TAF1B: variants seen among roughly 807,000 people sequenced by gnomAD.
The protein encoded by TAF1B is TATA box-binding protein-associated factor RNA polymerase I subunit B.
TAF1B carries 61 observed loss-of-function variants against 83.9 expected under a neutral mutation model. That is an observed-to-expected ratio of 0.73 (90% CI 0.59 to 0.90). The LOEUF (loss-of-function observed/expected upper bound fraction) is 0.90, where lower values mean the gene tolerates loss of function less well. Among genes scored for constraint, TAF1B ranks in the 40% least tolerant of loss-of-function variants. The pLI is 0.00. For synonymous variants in TAF1B, 221 were observed against 224.6 expected, an observed-to-expected ratio of 0.98 and a Z score of 0.14; for missense variants, 625 against 677.0, an observed-to-expected ratio of 0.92 and a Z score of 0.85.
In TAF1B at chr2:9,850,292, G is replaced by A. The variant is rs1199228906; in HGVS notation, c.205+832G>A. Among the ~76,000 whole-genome samples, 3 of 152,214 alleles carry A rather than the reference G, an allele frequency of 2.0e-5. 1 individual carries two copies. Among genetic ancestry groups the A allele is most frequent in the Admixed American group, 2.0e-4 (3 of 15,284 alleles). ...GAACTTCAGGTGCTTTATATTAGGTGTTAAGTATCTTATAGTCAACCTCAT... is the reference window on the plus strand; with the variant it reads ...GAACTTCAGGTGCTTTATATTAGGTATTAAGTATCTTATAGTCAACCTCAT... On this transcript the variant is annotated intron_variant, in intron 3 of 14. Coordinates refer to ENST00000263663, the MANE Select transcript of TAF1B (RefSeq NM_005680.3).
At chr2:9,849,597 C>A in intron 3 of TAF1B, 137 bp downstream of exon 3, 1 of 542,448 alleles carries the variant, frequency 1.8e-6, no homozygotes, top group Non-Finnish European at 3.1e-6. Context: ...GTTCTTCTAT[C>A]CTATGTCTGT....
intron 12 of TAF1B, 94 bp downstream of exon 12, chr2:9,913,343 C>T: frequency 1.0e-6 from 1 of 967,900 alleles, no homozygotes; most frequent in Non-Finnish European, 1.6e-6. Context: ...ATACACTTAT[C>T]TACATTGTGA....
chr2:9,845,419 C>A, intron 2 of TAF1B, 101 bp downstream of exon 2: 2 of 895,814 alleles, frequency 2.2e-6, no homozygotes, highest in South Asian at 1.5e-5. Flanking sequence ...TGATTTTTGT[C>A]ACTCATGCAA....
intron 14 of TAF1B, among the ~76,000 whole-genome samples, chr2:9,932,299 G>T (rs1666239019): frequency 6.6e-6 from 1 of 152,180 alleles, no homozygotes; most frequent in Non-Finnish European, 1.5e-5. Context: ...CCCCACCTTT[G>T]TGGTTTTATC....
chr2:9,873,415 C>T (rs548163073), intron 6 of TAF1B, among the ~76,000 whole-genome samples: 1 of 152,242 alleles, frequency 6.6e-6, no homozygotes, highest in East Asian at 1.9e-4. Flanking sequence ...TCTACCCTTA[C>T]TCCTTATGTG....
intron 14 of TAF1B, among the ~76,000 whole-genome samples, chr2:9,922,915 T>C (rs1276511373): frequency 6.6e-6 from 1 of 152,200 alleles, no homozygotes; most frequent in Non-Finnish European, 1.5e-5. Context: ...GTATGACCAT[T>C]ATTATTTTAA....
chr2:9,874,652 T>C (rs905775408), intron 6 of TAF1B, among the ~76,000 whole-genome samples: 5 of 152,198 alleles, frequency 3.3e-5, no homozygotes, highest in African/African-American at 1.2e-4. Flanking sequence ...AGATGAGACA[T>C]TATTCACTTG....
intron 9 of TAF1B, 114 bp from the exon 10 acceptor site, chr2:9,910,622 G>A (rs1292665476): frequency 2.0e-5 from 16 of 796,644 alleles, no homozygotes. Context: ...CAAAATGTGG[G>A]TCTCTGAGTT....
At chr2:9,863,974 A>G (rs1663872288) in intron 5 of TAF1B, among the ~76,000 whole-genome samples, 1 of 152,212 alleles carries the variant, frequency 6.6e-6, no homozygotes, top group Non-Finnish European at 1.5e-5. Flanking sequence ...TTATAGCACT[A>G]AATGCCCACA....
intron 6 of TAF1B, chr2:9,868,718 A>G (rs934006170): frequency 3.9e-5 from 22 of 559,202 alleles, no homozygotes; most frequent in East Asian, 9.3e-5. Flanking sequence ...AAAGATCTAT[A>G]TGTGTGGGCT....
chr2:9,858,943 T>G (rs1663658436), intron 5 of TAF1B, among the ~76,000 whole-genome samples: 1 of 152,230 alleles, frequency 6.6e-6, no homozygotes. Context: ...TGGAGACATT[T>G]TCCCCATTGT....
intron 8 of TAF1B, among the ~76,000 whole-genome samples, chr2:9,887,152 A>G (rs1664703199): frequency 6.6e-6 from 1 of 152,224 alleles, no homozygotes; most frequent in Admixed American, 6.5e-5. Context: ...TCTGACGGCA[A>G]TTCACAGTTT....
chr2:9,864,983 A>C (rs1195117113), intron 5 of TAF1B, among the ~76,000 whole-genome samples: 1 of 152,258 alleles, frequency 6.6e-6, no homozygotes, highest in Admixed American at 6.5e-5. Context: ...AGCCAATATC[A>C]TACTGAATGG....
intron 4 of TAF1B, 115 bp from the exon 5 acceptor site, chr2:9,854,211 T>G: frequency 1.4e-6 from 1 of 732,060 alleles, no homozygotes; most frequent in South Asian, 1.9e-5. Flanking sequence ...AAACATTTAC[T>G]GGAAATTTAT....
At chr2:9,913,484 A>T (rs1665596702) in intron 12 of TAF1B, 1 of 399,102 alleles carries the variant, frequency 2.5e-6, no homozygotes, top group South Asian at 6.5e-5. Flanking sequence ...CTGTTCCATG[A>T]TCCAATGCAG....
chr2:9,933,761 C>CT, intron 14 of TAF1B, 22 bp from the exon 15 acceptor site: 1 of 1,580,900 alleles, frequency 6.3e-7, no homozygotes, highest in South Asian at 1.1e-5. Context: ...AAGATAAATT[C>CT]TTTTTTCTTT....
intron 8 of TAF1B, among the ~76,000 whole-genome samples, chr2:9,884,346 G>T (rs897826067): frequency 2.6e-5 from 4 of 152,164 alleles, no homozygotes; most frequent in African/African-American, 9.7e-5. Flanking sequence ...CCTTCTCTTT[G>T]CCCACAACAT....
Position 9,910,817 on chromosome 2 carries a change from C to T in TAF1B, c.1037C>T (p.Ala346Val), listed in dbSNP as rs777297388. ...EVDFLTFDPI[A>V]KMAKTVKYDV... ...GATTTTCTGACATTTGATCCTATAG[C>T]TAAAATGGCAAAAACTGTTAAGTAC... Residue 346 changes from alanine (A) to valine (V), a missense_variant, in exon 10 of 15, where the codon GCT (alanine) becomes GTT (valine). Ala to Val is a moderately conservative substitution (Grantham distance 64, BLOSUM62 0). Coordinates refer to ENST00000263663, the MANE Select transcript of TAF1B (RefSeq NM_005680.3). 6.2e-7 allele frequency: 1 copy of T among 1,613,434 alleles called. No homozygotes were observed. The highest frequency in any genetic ancestry group is 1.7e-5 in the Admixed American group (1 of 59,942).
At chr2:9,908,540 T>G (rs530562765) in intron 9 of TAF1B, among the ~76,000 whole-genome samples, 1 of 152,320 alleles carries the variant, frequency 6.6e-6, no homozygotes, top group East Asian at 1.9e-4. Context: ...TGTACATGTT[T>G]GAGTGCAAGA....
Sources: allele counts gnomAD v4.1 joint callset (sites outside exome capture counted in the v4.1 genomes callset), GRCh38; gene constraint gnomAD v4.1.1; transcripts MANE v1.5; gene names NCBI Gene and HGNC (gene_info 2026-07-23, HGNC 2026-07-21).